The following CNTN4 variants were observed in gnomAD, a reference collection of about 807,000 sequenced individuals.
CNTN4 encodes the protein contactin 4.
Under a neutral mutation model 122.5 loss-of-function variants are expected in CNTN4, and 77 were observed. The ratio of observed to expected loss-of-function variants is 0.63; its 90% confidence interval spans 0.52 to 0.76. The LOEUF (loss-of-function observed/expected upper bound fraction) is 0.76. Among genes scored for constraint, CNTN4 ranks in the 30% least tolerant of loss-of-function variants. The probability of loss-of-function intolerance (pLI) is 0.00; values close to 1 mark genes in which losing one functional copy is unlikely to be tolerated. For synonymous variants in CNTN4, 512 were observed against 447.0 expected, an observed-to-expected ratio of 1.15 and a Z score of -1.83; for missense variants, 1,256 against 1,259.1, an observed-to-expected ratio of 1.00 and a Z score of 0.04.
chr3:2,376,723 A>C (rs1019319026), intron 3 of CNTN4, among the ~76,000 whole-genome samples: 2 of 151,200 alleles, frequency 1.3e-5, no homozygotes, highest in Non-Finnish European at 2.9e-5. Context: ...TTAACATATA[A>C]TATGCTCTGC....
At chr3:2,794,884 C>G (rs2092122769) in intron 6 of CNTN4, among the ~76,000 whole-genome samples, 1 of 152,118 alleles carries the variant, frequency 6.6e-6, no homozygotes, top group South Asian at 2.1e-4. Flanking sequence ...CAAGGGAGCT[C>G]TGTCGGGCCT....
intron 2 of CNTN4, among the ~76,000 whole-genome samples, chr3:2,314,020 T>C (rs1346937342): frequency 1.3e-5 from 2 of 152,044 alleles, no homozygotes; most frequent in African/African-American, 4.8e-5. Flanking sequence ...ATACATGTTT[T>C]ATAACACCTT....
chr3:2,773,209 G>A (rs1273981068), intron 6 of CNTN4, among the ~76,000 whole-genome samples: 1 of 151,480 alleles, frequency 6.6e-6, no homozygotes, highest in Non-Finnish European at 1.5e-5. Flanking sequence ...AAAGAGAAGT[G>A]CACAGCTGAA....
intron 10 of CNTN4, among the ~76,000 whole-genome samples, chr3:2,888,620 C>T (rs2094004360): frequency 6.6e-6 from 1 of 151,950 alleles, no homozygotes; most frequent in Non-Finnish European, 1.5e-5. Context: ...ATCCATGACT[C>T]CTCCTGTAGC....
intron 2 of CNTN4, among the ~76,000 whole-genome samples, chr3:2,258,563 A>G (rs1435827436): frequency 6.6e-6 from 1 of 152,092 alleles, no homozygotes; most frequent in Non-Finnish European, 1.5e-5. Flanking sequence ...TACCTTTTTA[A>G]TCATCTCATC....
chr3:2,656,703 G>A (rs1164813054), intron 4 of CNTN4, among the ~76,000 whole-genome samples: 1 of 152,236 alleles, frequency 6.6e-6, no homozygotes, highest in African/African-American at 2.4e-5. Context: ...TGTGTATGCA[G>A]TACTAGCTTA....
intron 3 of CNTN4, among the ~76,000 whole-genome samples, chr3:2,388,159 T>C (rs1002055135): frequency 1.3e-5 from 2 of 152,226 alleles, no homozygotes; most frequent in Non-Finnish European, 2.9e-5. Flanking sequence ...TGGGGAAGTT[T>C]CATGCTGAAA....
intron 14 of CNTN4, among the ~76,000 whole-genome samples, chr3:3,025,826 C>T (rs553821774): frequency 3.3e-5 from 5 of 152,246 alleles, no homozygotes; most frequent in Admixed American, 1.3e-4. Flanking sequence ...AGCCCTTCCA[C>T]GAGCATCTTT....
At chr3:2,328,894 C>T (rs1446371773) in intron 2 of CNTN4, among the ~76,000 whole-genome samples, 14 of 152,092 alleles carry the variant, frequency 9.2e-5, no homozygotes, top group Admixed American at 9.2e-4. Flanking sequence ...CGACTGCATT[C>T]TCCAAATCCT....
intron 10 of CNTN4, among the ~76,000 whole-genome samples, chr3:2,897,270 G>A (rs930871535): frequency 4.6e-5 from 7 of 152,100 alleles, no homozygotes; most frequent in African/African-American, 1.7e-4. Context: ...CCCAGCACAA[G>A]CATTTAACAT....
intron 14 of CNTN4, among the ~76,000 whole-genome samples, chr3:3,022,360 GCTGCTGCACTC>G (rs1698378970): frequency 6.6e-6 from 1 of 152,212 alleles, no homozygotes; most frequent in South Asian, 2.1e-4. Flanking sequence ...CTTTGATCAT[GCTGCTGCACTC>G]CAGCTTGGGC....
At chr3:2,166,892 C>T (rs1313591329) in intron 2 of CNTN4, among the ~76,000 whole-genome samples, 1 of 151,808 alleles carries the variant, frequency 6.6e-6, no homozygotes, top group East Asian at 1.9e-4. Flanking sequence ...TGCAAAATAA[C>T]ACATAAGAAA....
chr3:2,213,258 T>C (rs1226494456), intron 2 of CNTN4, among the ~76,000 whole-genome samples: 4 of 152,190 alleles, frequency 2.6e-5, no homozygotes. Context: ...GCTGGTCTGT[T>C]CAACACTACG....
chr3:2,707,599 T>G (rs12491219), intron 4 of CNTN4, among the ~76,000 whole-genome samples: 6,281 of 152,072 alleles, frequency 0.041, 196 homozygotes, highest in Admixed American at 0.073. Context: ...GTTTTTGTTA[T>G]TTTAACTTAA....
At chr3:2,416,356 G>A (rs1343708391) in intron 3 of CNTN4, among the ~76,000 whole-genome samples, 1 of 151,980 alleles carries the variant, frequency 6.6e-6, no homozygotes, top group Non-Finnish European at 1.5e-5. Flanking sequence ...AATGCCATTA[G>A]TTTTTCATTT....
intron 13 of CNTN4, among the ~76,000 whole-genome samples, chr3:2,985,841 T>C (rs1577510367): frequency 1.3e-5 from 2 of 151,814 alleles, no homozygotes; most frequent in Non-Finnish European, 2.9e-5. Flanking sequence ...AATTACTATA[T>C]TAAAAGAAAA....
chr3:2,158,160 G>A (rs2149160390), intron 2 of CNTN4, among the ~76,000 whole-genome samples: 1 of 152,186 alleles, frequency 6.6e-6, no homozygotes, highest in Middle Eastern at 3.4e-3. Context: ...AGGACAGGGT[G>A]GCAAAGTGAC....
intron 8 of CNTN4, among the ~76,000 whole-genome samples, chr3:2,881,522 A>G (rs949241018): frequency 1.8e-4 from 28 of 151,962 alleles, no homozygotes; most frequent in African/African-American, 6.3e-4. Flanking sequence ...CAAGAAAAAA[A>G]AAAAAAAAAC....
chr3:2,449,090 A>C (rs1465433606), intron 3 of CNTN4, among the ~76,000 whole-genome samples: 1 of 152,184 alleles, frequency 6.6e-6, no homozygotes. Context: ...GATCATGCTA[A>C]GATATAAGGA....
Sources: allele counts gnomAD v4.1 joint callset (sites outside exome capture counted in the v4.1 genomes callset), GRCh38; gene constraint gnomAD v4.1.1; transcripts MANE v1.5; gene names NCBI Gene and HGNC (gene_info 2026-07-23, HGNC 2026-07-21).